Variants in NELL1 observed in about 807,000 individuals in gnomAD.
NELL1 encodes the protein protein kinase C-binding protein NELL1.
A neutral mutation model predicts 107.4 loss-of-function variants in NELL1; 76 were observed. The ratio of observed to expected loss-of-function variants is 0.71; its 90% CI spans 0.59 to 0.86. The LOEUF (loss-of-function observed/expected upper bound fraction) is 0.86. NELL1 is among the 40% of genes least tolerant of loss of function. The pLI is 0.00. For synonymous variants in NELL1, 353 were observed against 341.2 expected (o/e 1.03, Z -0.38); for missense variants, 1,024 against 1,005.5 (o/e 1.02, Z -0.25).
intron 15 of NELL1, among the ~76,000 whole-genome samples, chr11:21,436,429 A>T (rs1037470632): frequency 3.3e-5 from 5 of 152,136 alleles, no homozygotes; most frequent in African/African-American, 9.6e-5. Flanking sequence ...ATTTGTTGGC[A>T]TATAGGTGTT....
rs79013174 is a variant in NELL1, at chr11:21,126,555, C to T, written c.1426+12841C>T. ...CCTCAGTTTATAACACCAAGAAAGA[C>T]GATTGGGTTTTAAGGTTTGATCATG... On this transcript the variant is annotated intron_variant, in intron 13 of 19. Transcript: ENST00000357134. Among the ~76,000 whole-genome samples the T allele has an allele frequency of 9.5e-3, 1,441 of 152,212 alleles. 62 individuals carry two copies. The East Asian group carries it at 0.11, about 12-fold the overall frequency.
intron 12 of NELL1, among the ~76,000 whole-genome samples, chr11:20,997,538 A>G (rs1852118571): frequency 1.3e-5 from 2 of 152,226 alleles, no homozygotes; most frequent in Non-Finnish European, 1.5e-5. Flanking sequence ...TGATGTGCCA[A>G]TCAATGTTGG....
intron 17 of NELL1, among the ~76,000 whole-genome samples, chr11:21,563,119 A>G (rs61886263): frequency 0.058 from 8,848 of 152,158 alleles, 356 homozygotes; most frequent in Non-Finnish European, 0.079. Flanking sequence ...TTTAGACCAC[A>G]GGAACCCAGA....
intron 13 of NELL1, among the ~76,000 whole-genome samples, chr11:21,208,873 T>C (rs1329747903): frequency 6.6e-6 from 1 of 152,184 alleles, no homozygotes; most frequent in Non-Finnish European, 1.5e-5. Context: ...GAATTTTCTG[T>C]ATACCCAAAG....
intron 3 of NELL1, among the ~76,000 whole-genome samples, chr11:20,833,581 A>C (rs771358073): frequency 1.2e-4 from 18 of 152,222 alleles, no homozygotes; most frequent in Non-Finnish European, 2.5e-4. Flanking sequence ...ATGTGTTCCT[A>C]AAGCTTATCC....
chr11:21,122,641 T>C (rs1308950961), intron 13 of NELL1, among the ~76,000 whole-genome samples: 9 of 152,204 alleles, frequency 5.9e-5, no homozygotes, highest in Admixed American at 1.3e-4. Context: ...GTATAAATTC[T>C]ACTGGTTGCA....
At chr11:20,738,348 G>A (rs1190311006) in intron 2 of NELL1, among the ~76,000 whole-genome samples, 3 of 152,110 alleles carry the variant, frequency 2.0e-5, no homozygotes, top group African/African-American at 7.2e-5. Flanking sequence ...TGGATGAATG[G>A]AACAGGCATT....
At chr11:20,969,027 A>G (rs1459237730) in intron 12 of NELL1, among the ~76,000 whole-genome samples, 2 of 152,156 alleles carry the variant, frequency 1.3e-5, no homozygotes, top group African/African-American at 4.8e-5. Context: ...ATTTAATGAA[A>G]AAAATCTCCT....
chr11:20,682,880 G>C (rs1310532097), intron 2 of NELL1, among the ~76,000 whole-genome samples: 1 of 151,842 alleles, frequency 6.6e-6, no homozygotes, highest in Admixed American at 6.6e-5. Flanking sequence ...TACTCATTAT[G>C]GGTATTTTGA....
At chr11:21,522,569 G>A (rs1238580454) in intron 15 of NELL1, among the ~76,000 whole-genome samples, 6 of 151,994 alleles carry the variant, frequency 3.9e-5, no homozygotes, top group Non-Finnish European at 5.9e-5. Flanking sequence ...GAAGGTGTGC[G>A]GGGTGGGAGG....
intron 2 of NELL1, among the ~76,000 whole-genome samples, chr11:20,764,740 G>T (rs570540975): frequency 6.8e-5 from 10 of 147,568 alleles, no homozygotes; most frequent in African/African-American, 2.5e-4. Flanking sequence ...AGGAGGAAAA[G>T]GTGAGATGTT....
In NELL1 at chr11:20,669,767, C is replaced by G; in HGVS notation, c.44C>G (p.Thr15Ser). The change falls in exon 1 of 20, where the codon ACT (threonine) becomes AGT (serine). Residue 15 changes from threonine (T) to serine (S), a missense_variant. Physicochemically the swap from Thr to Ser is moderately conservative, Grantham distance 58. Transcript: ENST00000357134. This position sits in a 1 kb window ranked among gnomAD's most constrained non-coding sequence, Gnocchi z 4.4. Reference protein sequence around the residue: ...LILVVWFCVCTARTVVGFGMD... With the variant: ...LILVVWFCVCSARTVVGFGMD... Reference sequence around the variant, plus strand: ...TTAGTTGTGTGGTTCTGTGTGTGCACTGCCAGGACAGGTAAGCATGACTGT... The same window carrying G: ...TTAGTTGTGTGGTTCTGTGTGTGCAGTGCCAGGACAGGTAAGCATGACTGT... 1 of 1,613,504 alleles carries G rather than the reference C, an allele frequency of 6.2e-7. No homozygotes were observed. Among genetic ancestry groups the G allele is most frequent in the Non-Finnish European group, 8.5e-7 (1 of 1,179,550 alleles).
At chr11:21,265,139 C>T (rs1031348626) in intron 14 of NELL1, among the ~76,000 whole-genome samples, 1 of 151,954 alleles carries the variant, frequency 6.6e-6, no homozygotes, top group African/African-American at 2.4e-5. Context: ...TCAAGAAAGG[C>T]TAACTTTTGC....
chr11:21,456,735 C>T, intron 15 of NELL1, among the ~76,000 whole-genome samples: 1 of 152,034 alleles, frequency 6.6e-6, no homozygotes, highest in East Asian at 1.9e-4. Flanking sequence ...CGAAATAAGG[C>T]AGGGCTTGTA....
intron 14 of NELL1, among the ~76,000 whole-genome samples, chr11:21,283,276 C>T (rs1849038614): frequency 6.6e-6 from 1 of 151,954 alleles, no homozygotes; most frequent in South Asian, 2.1e-4. Flanking sequence ...TGTCTCATAG[C>T]AATCTATAAA....
chr11:20,785,496 G>A (rs867247642), intron 3 of NELL1, among the ~76,000 whole-genome samples: 2 of 152,258 alleles, frequency 1.3e-5, no homozygotes, highest in Non-Finnish European at 2.9e-5. Context: ...GTGGGGTTGG[G>A]TGTGAATGCT....
At chr11:20,904,572 T>A (rs763083361) in intron 5 of NELL1, among the ~76,000 whole-genome samples, 1 of 152,134 alleles carries the variant, frequency 6.6e-6, no homozygotes, top group Non-Finnish European at 1.5e-5. Flanking sequence ...CAAAATCACC[T>A]GTGTGTTCAA....
intron 13 of NELL1, among the ~76,000 whole-genome samples, chr11:21,187,089 A>G (rs1321309696): frequency 6.6e-6 from 1 of 151,944 alleles, no homozygotes; most frequent in Non-Finnish European, 1.5e-5. Flanking sequence ...TATTTAGCAC[A>G]TGACAGAAAT....
At chr11:20,855,283 G>A (rs1848862563) in intron 4 of NELL1, among the ~76,000 whole-genome samples, 1 of 151,940 alleles carries the variant, frequency 6.6e-6, no homozygotes, top group Non-Finnish European at 1.5e-5. Flanking sequence ...GAAGATGAGA[G>A]AGTGATCTGC....
Sources: allele counts gnomAD v4.1 joint callset (sites outside exome capture counted in the v4.1 genomes callset), GRCh38; gene constraint gnomAD v4.1.1; non-coding constraint Gnocchi (gnomAD v3.1); transcripts MANE v1.5; gene names NCBI Gene and HGNC (gene_info 2026-07-23, HGNC 2026-07-21).